RADIL: variants seen among roughly 807,000 people sequenced by gnomAD.
RADIL encodes the protein Rap associating with DIL domain, also known as ras-associating and dilute domain-containing protein.
Under a neutral mutation model 97.6 loss-of-function variants are expected in RADIL, and 99 were observed. The ratio of observed to expected loss-of-function variants is 1.01; its 90% CI spans 0.86 to 1.20. The LOEUF (loss-of-function observed/expected upper bound fraction) is 1.20, where lower values mean the gene tolerates loss of function less well. RADIL is among the 50% of genes most tolerant of loss of function. RADIL has a pLI of 0.00. For missense variants in RADIL, 1,765 were observed against 1,498.9 expected (o/e 1.18, Z -2.93); for synonymous variants, 803 against 691.8 (o/e 1.16, Z -2.52).
At chr7:4,855,542 C>G (rs374172785) in intron 2 of RADIL, among the ~76,000 whole-genome samples, 23 of 149,440 alleles carry the variant, frequency 1.5e-4, no homozygotes, top group South Asian at 8.4e-4. Context: ...GCACCATGTT[C>G]TCACTGGCAC....
intron 5 of RADIL, among the ~76,000 whole-genome samples, chr7:4,831,217 C>T (rs571009847): frequency 3.3e-5 from 5 of 149,598 alleles, no homozygotes; most frequent in South Asian, 2.1e-4. Flanking sequence ...AAAAAAAGCA[C>T]GAGATCATGT....
chr7:4,836,238 G>A, intron 3 of RADIL, 120 bp downstream of exon 3: 1 of 1,427,748 alleles, frequency 7.0e-7, no homozygotes, highest in Non-Finnish European at 9.5e-7. Context: ...AGCCAGAGGG[G>A]CTGCAGCCAC....
intron 9 of RADIL, chr7:4,809,277 C>T (rs1408728267): frequency 1.0e-6 from 1 of 985,394 alleles, no homozygotes; most frequent in Non-Finnish European, 1.2e-6. Context: ...GCCGGGGCCC[C>T]CCTTCCATCA....
intron 2 of RADIL, chr7:4,860,770 A>T: frequency 1.9e-6 from 3 of 1,614,208 alleles, no homozygotes; most frequent in Non-Finnish European, 1.7e-6. Flanking sequence ...CGTGTGTGAT[A>T]GCAAGCCCCT....
Position 4,840,933 on chromosome 7 carries a change from C to T in RADIL, c.536-4328G>A, listed in dbSNP as rs1489762261. The stretch of plus-strand genomic sequence containing the variant: ...AGTGACCTGAGATCGCACCACTGCA[C>T]TCCAGCCTGGGTGACAGAGCGAGAC... On this transcript the variant is annotated intron_variant, in intron 2 of 14. Coordinates refer to ENST00000399583, the MANE Select transcript of RADIL (RefSeq NM_018059.5). This position sits in a 1 kb window ranked among gnomAD's most constrained non-coding sequence, Gnocchi z 5.6. Among the ~76,000 whole-genome samples, 1 of 152,238 alleles carries T rather than the reference C, an allele frequency of 6.6e-6. No individual in the cohort carries two copies. The highest frequency in any genetic ancestry group is 2.4e-5 in the African/African-American group (1 of 41,468).
chr7:4,840,183 T>C lies in RADIL; in HGVS notation c.536-3578A>G, dbSNP rs1783405681. Among the ~76,000 whole-genome samples the C allele has an allele frequency of 6.6e-6, 1 of 152,192 alleles. No homozygotes were observed. Among genetic ancestry groups the C allele is most frequent in the Non-Finnish European group, 1.5e-5 (1 of 68,038 alleles). On this transcript the variant is annotated intron_variant, in intron 2 of 14. Transcript: ENST00000399583. This position sits in a 1 kb window ranked among gnomAD's most constrained non-coding sequence, Gnocchi z 5.6. The stretch of plus-strand genomic sequence containing the variant: ...AGCACTCTGCTCCCAGGGGGTCGGC[T>C]GTCAGGCTTGTTGGGGGCCGACATG...
rs1207464702 is a variant in RADIL, at chr7:4,880,826, G to A, written c.-64-2623C>T. On this transcript the variant is annotated intron_variant, in intron 1 of 14. Transcript: ENST00000399583. The surrounding 1 kb of genome is among the most constrained non-coding windows in gnomAD (Gnocchi z 4.5). ...CAGGCAGGAGAAAGCCCATATCACA[G>A]AAAAGTCATGAAGCAGAGCCAAGTA... Among the ~76,000 whole-genome samples, 1 of 152,238 alleles carries A rather than the reference G, an allele frequency of 6.6e-6. No homozygotes were observed. The highest frequency in any genetic ancestry group is 2.4e-5 in the African/African-American group (1 of 41,464).
chr7:4,811,479 C>CTTT (rs35136302), intron 9 of RADIL, among the ~76,000 whole-genome samples: 10 of 59,048 alleles, frequency 1.7e-4, no homozygotes, highest in Non-Finnish European at 2.5e-4. Flanking sequence ...GGTATTATTT[C>CTTT]TTTTTTTTTT....
chr7:4,821,634 G>A lies in RADIL; in HGVS notation c.1615+760C>T, dbSNP rs1782834081. ...AATCCCAGCACTTTGGGAGGCTGAG[G>A]TGGGGCGGATCAGGAGTTTGAGACC... On this transcript the variant is annotated intron_variant, in intron 6 of 14. Coordinates refer to ENST00000399583, the MANE Select transcript of RADIL (RefSeq NM_018059.5). This position sits in a 1 kb window ranked among gnomAD's most constrained non-coding sequence, Gnocchi z 5.2. 6.6e-6 allele frequency among the ~76,000 whole-genome samples: 1 copy of A among 152,122 alleles called. No individual in the cohort carries two copies. The highest frequency in any genetic ancestry group is 2.1e-4 in the South Asian group (1 of 4,824).
chr7:4,810,687 C>T (rs934675473), intron 9 of RADIL, among the ~76,000 whole-genome samples: 17 of 152,224 alleles, frequency 1.1e-4, no homozygotes, highest in African/African-American at 2.7e-4. Context: ...CACATGCACT[C>T]GGTCAGCTTC....
rs1784309167 is a variant in RADIL, at chr7:4,873,882, A to T, written c.535+3723T>A. The stretch of plus-strand genomic sequence containing the variant: ...CTTCCACGTCACTCCAACCTGAGGC[A>T]GGCTGGCGCCCACGGCTGCTGGAGA... On this transcript the variant is annotated intron_variant, in intron 2 of 14. Transcript: ENST00000399583. The surrounding 1 kb of genome is among the most constrained non-coding windows in gnomAD (Gnocchi z 4.3). Among the ~76,000 whole-genome samples, 1 of 152,232 alleles carries T rather than the reference A, an allele frequency of 6.6e-6. No individual in the cohort carries two copies. Among genetic ancestry groups the T allele is most frequent in the Non-Finnish European group, 1.5e-5 (1 of 68,044 alleles).
chr7:4,855,432 G>C (rs1470673062), intron 2 of RADIL, among the ~76,000 whole-genome samples: 2 of 151,982 alleles, frequency 1.3e-5, no homozygotes, highest in African/African-American at 2.4e-5. Flanking sequence ...CACAGCATGA[G>C]GGTGAAGACC....
chr7:4,823,743 G>C (rs1241219459), intron 5 of RADIL, among the ~76,000 whole-genome samples: 2 of 152,250 alleles, frequency 1.3e-5, no homozygotes, highest in African/African-American at 4.8e-5. Flanking sequence ...GCCGCAGGAT[G>C]TGTCTGTCTG....
At chr7:4,801,550 G>C in intron 12 of RADIL, 103 bp downstream of exon 12, 1 of 1,297,402 alleles carries the variant, frequency 7.7e-7, no homozygotes, top group Non-Finnish European at 1.0e-6. Flanking sequence ...GGGCAGGTAA[G>C]GAAACCTAGG....
At position 4,824,022 on chromosome 7, in the gene RADIL, C is replaced by T. The variant is rs1005751720; in HGVS notation, c.1455-1468G>A. 6.6e-6 allele frequency among the ~76,000 whole-genome samples: 1 copy of T among 152,172 alleles called. No homozygotes were observed. On this transcript the variant is annotated intron_variant, in intron 5 of 14. Coordinates refer to ENST00000399583, the MANE Select transcript of RADIL (RefSeq NM_018059.5). This position sits in a 1 kb window ranked among gnomAD's most constrained non-coding sequence, Gnocchi z 6.7. Reference sequence around the variant, plus strand: ...ATCGCACCTGGCGGACACAAATAGCCGTGTGCCCCTGAGCAGTGAGCAGAA... The same window carrying T: ...ATCGCACCTGGCGGACACAAATAGCTGTGTGCCCCTGAGCAGTGAGCAGAA...
At chr7:4,843,332 G>T (rs1783493638) in intron 2 of RADIL, among the ~76,000 whole-genome samples, 1 of 151,946 alleles carries the variant, frequency 6.6e-6, no homozygotes, top group African/African-American at 2.4e-5. Flanking sequence ...TTTTAAAGTG[G>T]CCCCTAGTAA....
chr7:4,825,337 G>C (rs1373367974), intron 5 of RADIL, among the ~76,000 whole-genome samples: 1 of 152,188 alleles, frequency 6.6e-6, no homozygotes, highest in African/African-American at 2.4e-5. Context: ...TGGGAACCAA[G>C]GCGATGGAAA....
chr7:4,803,762 G>GGA lies in RADIL; in HGVS notation c.2291-10_2291-9dup. ...AGGACTCCAGAACATCCTCTGCAGG[G>GGA]GAGAGAGGATGCCCGTAATGGCCAC... On this transcript the variant is annotated splice_polypyrimidine_tract_variant and intron_variant, in intron 10 of 14. Coordinates refer to ENST00000399583, the MANE Select transcript of RADIL (RefSeq NM_018059.5). The GGA allele has an allele frequency of 6.4e-7, 1 of 1,552,942 alleles. No homozygotes were observed. The highest frequency in any genetic ancestry group is 8.7e-7 in the Non-Finnish European group (1 of 1,147,418).
chr7:4,860,554 T>C lies in RADIL; in HGVS notation c.535+17051A>G, dbSNP rs762298665. The C allele has an allele frequency of 8.1e-6, 13 of 1,614,132 alleles. No individual in the cohort carries two copies. The East Asian group carries it at 2.7e-4, about 33-fold the overall frequency. ...TTTCTTTGGGTGCTGGAAATGACTG[T>C]GGATTCACATGTGCCAGTGTAATAA... On this transcript the variant is annotated intron_variant, in intron 2 of 14. Transcript: ENST00000399583.
Sources: gnomAD v4.1 joint callset for allele counts (sites outside exome capture counted in the v4.1 genomes callset) on GRCh38, gnomAD v4.1.1 for gene constraint, Gnocchi (gnomAD v3.1) non-coding constraint, MANE v1.5 for transcripts, NCBI Gene and HGNC (gene_info 2026-07-23, HGNC 2026-07-21) for gene names.